BMPR1A: variants seen among roughly 807,000 people sequenced by gnomAD.
The protein encoded by BMPR1A is bone morphogenetic protein receptor type 1A.
In BMPR1A, 7 loss-of-function variants were observed where a neutral mutation model predicts 66.0. That is an observed-to-expected ratio of 0.11 (90% confidence interval 0.06 to 0.20). The LOEUF (loss-of-function observed/expected upper bound fraction) is 0.20, where lower values mean the gene tolerates loss of function less well. Ranked by LOEUF, BMPR1A falls within the 10% of genes least tolerant of loss-of-function variation. The pLI, the probability that BMPR1A is intolerant of heterozygous loss-of-function variation, is 1.00. For synonymous variants in BMPR1A, 200 were observed against 229.7 expected (o/e 0.87, Z 1.17); for missense variants, 408 against 669.1 (o/e 0.61, Z 4.31).
At chr10:86,909,787 T>C (rs911615984) in intron 7 of BMPR1A, among the ~76,000 whole-genome samples, 5 of 152,032 alleles carry the variant, frequency 3.3e-5, no homozygotes, top group African/African-American at 7.2e-5. Context: ...AAATTAAATA[T>C]TAAGTTCTAT....
At chr10:86,848,712 C>T (rs1842521493) in intron 2 of BMPR1A, among the ~76,000 whole-genome samples, 1 of 152,180 alleles carries the variant, frequency 6.6e-6, no homozygotes, top group Non-Finnish European at 1.5e-5. Context: ...AGTAGGAACA[C>T]ATTTGTTTAT....
At chr10:86,920,610 C>T (rs1270633782) in intron 10 of BMPR1A, among the ~76,000 whole-genome samples, 1 of 152,154 alleles carries the variant, frequency 6.6e-6, no homozygotes, top group Non-Finnish European at 1.5e-5. Flanking sequence ...TAGGAAAATA[C>T]AACGCATTAT....
At chr10:86,851,469 G>T (rs1238677812) in intron 2 of BMPR1A, among the ~76,000 whole-genome samples, 1 of 152,086 alleles carries the variant, frequency 6.6e-6, no homozygotes, top group Non-Finnish European at 1.5e-5. Context: ...TTTATTTACC[G>T]TTGGATAGTC....
chr10:86,784,878 T>G (rs1396980668), intron 1 of BMPR1A, among the ~76,000 whole-genome samples: 1 of 152,142 alleles, frequency 6.6e-6, no homozygotes, highest in Non-Finnish European at 1.5e-5. Context: ...ATTTTAATTA[T>G]TTGAGTCTTG....
intron 9 of BMPR1A, among the ~76,000 whole-genome samples, chr10:86,918,046 A>C (rs1014318897): frequency 1.3e-5 from 2 of 152,114 alleles, no homozygotes; most frequent in Non-Finnish European, 2.9e-5. Flanking sequence ...TCCTCTGGCT[A>C]CTGGTTGGTG....
intron 2 of BMPR1A, among the ~76,000 whole-genome samples, chr10:86,849,036 T>G (rs1386355769): frequency 6.6e-6 from 1 of 152,216 alleles, no homozygotes; most frequent in Non-Finnish European, 1.5e-5. Context: ...GCTTCAAGAG[T>G]GATTTTTCTA....
chr10:86,877,576 TAACAATATCCTTAGTATTAC>T (rs1842936335), intron 3 of BMPR1A, among the ~76,000 whole-genome samples: 1 of 152,188 alleles, frequency 6.6e-6, no homozygotes, highest in Non-Finnish European at 1.5e-5. Context: ...CTTAGTATTA[TAACAATATCCTTAGTATTAC>T]AACAATATCC....
At chr10:86,785,712 G>A (rs1014227681) in intron 1 of BMPR1A, among the ~76,000 whole-genome samples, 22 of 152,096 alleles carry the variant, frequency 1.4e-4, no homozygotes, top group African/African-American at 5.1e-4. Flanking sequence ...TTGAAAGTGG[G>A]GATACTGAAA....
chr10:86,820,236 T>G (rs1842101874), intron 1 of BMPR1A, among the ~76,000 whole-genome samples: 1 of 152,116 alleles, frequency 6.6e-6, no homozygotes, highest in Non-Finnish European at 1.5e-5. Context: ...AGAGATGGGG[T>G]TTTGCCACGT....
At chr10:86,785,579 G>A (rs768908429) in intron 1 of BMPR1A, among the ~76,000 whole-genome samples, 10 of 152,188 alleles carry the variant, frequency 6.6e-5, no homozygotes, top group Non-Finnish European at 1.3e-4. Flanking sequence ...TGGGATTATA[G>A]GCGTGAGCCA....
At chr10:86,840,469 C>T (rs958594504) in intron 2 of BMPR1A, among the ~76,000 whole-genome samples, 2 of 151,790 alleles carry the variant, frequency 1.3e-5, no homozygotes, top group South Asian at 4.2e-4. Flanking sequence ...TTTTTCCTTC[C>T]CCTCCTACTC....
chr10:86,841,252 A>G (rs1452634788), intron 2 of BMPR1A, among the ~76,000 whole-genome samples: 2 of 152,248 alleles, frequency 1.3e-5, no homozygotes, highest in African/African-American at 2.4e-5. Context: ...TTGGATGAGC[A>G]TGAAAACAAT....
chr10:86,823,568 G>C (rs1842152177), intron 1 of BMPR1A, among the ~76,000 whole-genome samples: 2 of 152,216 alleles, frequency 1.3e-5, no homozygotes, highest in Non-Finnish European at 2.9e-5. Flanking sequence ...TGGCTGCTGA[G>C]GATTCTGTAT....
intron 1 of BMPR1A, among the ~76,000 whole-genome samples, chr10:86,829,727 A>C (rs1453216995): frequency 6.6e-6 from 1 of 152,202 alleles, no homozygotes; most frequent in African/African-American, 2.4e-5. Flanking sequence ...CTTGAGATCT[A>C]TCCAAGTTGT....
chr10:86,816,814 G>T (rs1589729831), intron 1 of BMPR1A, among the ~76,000 whole-genome samples: 2 of 152,154 alleles, frequency 1.3e-5, no homozygotes, highest in East Asian at 3.9e-4. Flanking sequence ...TGCAGAGAGG[G>T]TCCAGTTGGG....
chr10:86,910,635 T>G (rs1843467712), intron 7 of BMPR1A, among the ~76,000 whole-genome samples: 1 of 152,230 alleles, frequency 6.6e-6, no homozygotes, highest in Non-Finnish European at 1.5e-5. Flanking sequence ...TATACCCTTT[T>G]GTGTCTTTTG....
Position 86,897,089 on chromosome 10 carries a change from A to C in BMPR1A, c.334-2705A>C, listed in dbSNP as rs563898731. 2.6e-5 allele frequency among the ~76,000 whole-genome samples: 4 copies of C among 152,246 alleles called. No homozygotes were observed. The South Asian group carries it at 8.3e-4, about 32-fold the overall frequency. On this transcript the variant is annotated intron_variant, in intron 5 of 12. Transcript: ENST00000372037. ...TGCTTATTCTGTTTCCTCCTATAGGACAAATTATTTTTCAGAAACCTCACT... is the reference window on the plus strand; with the variant it reads ...TGCTTATTCTGTTTCCTCCTATAGGCCAAATTATTTTTCAGAAACCTCACT...
intron 2 of BMPR1A, among the ~76,000 whole-genome samples, chr10:86,859,389 A>C (rs1038550987): frequency 2.5e-4 from 38 of 151,926 alleles, no homozygotes; most frequent in Non-Finnish European, 5.2e-4. Flanking sequence ...GGCTGGTCTC[A>C]AACTCCTGGG....
chr10:86,804,792 G>GTTTTTTTTTTTTTTTTTTTTT (rs5786747), intron 1 of BMPR1A, among the ~76,000 whole-genome samples: 68 of 57,250 alleles, frequency 1.2e-3, no homozygotes, highest in Non-Finnish European at 1.5e-3. Flanking sequence ...GTTTGTAGGT[G>GTTTTTTTTTTTTTTTTTTTTT]TTTTTTTTTT....
Sources: allele counts gnomAD v4.1 joint callset (sites outside exome capture counted in the v4.1 genomes callset), GRCh38; gene constraint gnomAD v4.1.1; transcripts MANE v1.5; gene names NCBI Gene and HGNC (gene_info 2026-07-23, HGNC 2026-07-21).